The following PTGIS variants were observed in gnomAD, a reference collection of about 807,000 sequenced individuals.
PTGIS encodes the protein prostaglandin I2 synthase, also known as prostacyclin synthase.
A neutral mutation model predicts 50.3 loss-of-function variants in PTGIS; 45 were observed. The observed-to-expected ratio is 0.90, with a 90% CI of 0.70 to 1.15. The LOEUF (loss-of-function observed/expected upper bound fraction) is 1.15, where lower values mean the gene tolerates loss of function less well. Ranked by LOEUF, PTGIS falls within the 50% of genes most tolerant of loss-of-function variation. The pLI, the probability that PTGIS is intolerant of heterozygous loss-of-function variation, is 0.00. For synonymous variants in PTGIS, 260 were observed against 267.7 expected, an observed-to-expected ratio of 0.97 and a Z score of 0.28; for missense variants, 668 against 661.3, an observed-to-expected ratio of 1.01 and a Z score of -0.11.
At chr20:49,518,068 G>A (rs1047764958) in intron 6 of PTGIS, among the ~76,000 whole-genome samples, 1 of 152,238 alleles carries the variant, frequency 6.6e-6, no homozygotes, top group Non-Finnish European at 1.5e-5. Flanking sequence ...GCTACTGGAG[G>A]CCATTGTAGT....
chr20:49,529,358 T>C (rs1981875705), intron 5 of PTGIS, among the ~76,000 whole-genome samples: 1 of 152,192 alleles, frequency 6.6e-6, no homozygotes, highest in Non-Finnish European at 1.5e-5. Context: ...CATAATGCGG[T>C]ATTTGATTTT....
intron 6 of PTGIS, 82 bp from the exon 7 acceptor site, chr20:49,514,477 CAG>C: frequency 6.6e-7 from 1 of 1,507,252 alleles, no homozygotes; most frequent in Non-Finnish European, 9.0e-7. Context: ...CGGGCCAAGA[CAG>C]AGGGGCCAGT....
intron 5 of PTGIS, among the ~76,000 whole-genome samples, chr20:49,526,581 T>C (rs1981798713): frequency 6.6e-6 from 1 of 152,172 alleles, no homozygotes. Flanking sequence ...ATATATCTGA[T>C]AAGGGTCTAA....
Position 49,524,039 on chromosome 20 carries a change from C to A in PTGIS, c.855+19G>T. ...ACACATGCACACCTGCACACACCCACTTGCACATTCACACCCACCTGTGTG... is the reference window on the plus strand; with the variant it reads ...ACACATGCACACCTGCACACACCCAATTGCACATTCACACCCACCTGTGTG... On this transcript the variant is annotated intron_variant, in intron 6 of 9. Coordinates refer to ENST00000244043, the MANE Select transcript of PTGIS (RefSeq NM_000961.4). 6.2e-7 allele frequency: 1 copy of A among 1,614,184 alleles called. No individual in the cohort carries two copies. Among genetic ancestry groups the A allele is most frequent in the Non-Finnish European group, 8.5e-7 (1 of 1,180,018 alleles).
At chr20:49,567,035 T>A (rs552601512) in intron 1 of PTGIS, among the ~76,000 whole-genome samples, 16 of 152,148 alleles carry the variant, frequency 1.1e-4, no homozygotes, top group African/African-American at 3.1e-4. Flanking sequence ...AAAAGTATAT[T>A]TTTTTAAATA....
At chr20:49,543,487 C>A (rs544174380) in intron 4 of PTGIS, among the ~76,000 whole-genome samples, 5 of 152,200 alleles carry the variant, frequency 3.3e-5, no homozygotes, top group Non-Finnish European at 1.5e-5. Flanking sequence ...CCTGACCTCC[C>A]GACTGCCTGA....
intron 5 of PTGIS, among the ~76,000 whole-genome samples, chr20:49,538,256 GAAAAAAAA>G (rs58986753): frequency 8.2e-3 from 249 of 30,244 alleles, no homozygotes; most frequent in Non-Finnish European, 0.013. Context: ...CCCTGGTTCA[GAAAAAAAA>G]AAAAAAAAAA....
chr20:49,549,922 A>G (rs1364127640), intron 2 of PTGIS, 144 bp downstream of exon 2: 1 of 1,272,566 alleles, frequency 7.9e-7, no homozygotes, highest in Non-Finnish European at 1.1e-6. Context: ...AGCTGGATAG[A>G]AAGTTGGCTC....
intron 3 of PTGIS, 83 bp downstream of exon 3, chr20:49,547,758 G>T: frequency 6.8e-7 from 1 of 1,479,264 alleles, no homozygotes; most frequent in South Asian, 1.1e-5. Flanking sequence ...ATTTGCTTTG[G>T]AACCAAGAAT....
intron 6 of PTGIS, among the ~76,000 whole-genome samples, chr20:49,520,016 C>A (rs115175571): frequency 6.6e-6 from 1 of 151,736 alleles, no homozygotes; most frequent in Non-Finnish European, 1.5e-5. Context: ...CCCTCTAAAG[C>A]GAAAGACAGG....
chr20:49,550,121 T>C lies in PTGIS; in HGVS notation c.143A>G (p.Lys48Arg). 6.2e-7 allele frequency: 1 copy of C among 1,614,166 alleles called. No homozygotes were observed. The highest frequency in any genetic ancestry group is 2.2e-5 in the East Asian group (1 of 44,888). ...CCTCGTGAGGAAGCTGGCAGCATCT[T>C]TTCCAAAGTCCAAGGCATACCCCAA... Reference protein sequence around the residue: ...PWLGYALDFGKDAASFLTRMK... With the variant: ...PWLGYALDFGRDAASFLTRMK... The change falls in exon 2 of 10, where the codon AAA (lysine) becomes AGA (arginine). Residue 48 changes from lysine to arginine, a missense_variant. Physicochemically the swap from Lys to Arg is conservative, Grantham distance 26. Transcript: ENST00000244043.
chr20:49,555,396 T>C (rs538334680), intron 1 of PTGIS, among the ~76,000 whole-genome samples: 114 of 152,366 alleles, frequency 7.5e-4, no homozygotes, highest in African/African-American at 2.5e-3. Context: ...TGTTTTAAAC[T>C]TTCTATATTT....
chr20:49,514,256 T>C lies in PTGIS; in HGVS notation c.995A>G (p.Gln332Arg). ...QPVSQTTTLP[Q>R]KVLDSTPVLD... is the part of the protein sequence containing the mutation. ...CACAGGTGTGCTGTCTAGAACCTTC[T>C]GTGGGAGAGTGGTCGTCTGCGAGAC... Residue 332 changes from glutamine (Q) to arginine (R), a missense_variant, in exon 7 of 10, where the codon CAG (glutamine) becomes CGG (arginine). Transcript: ENST00000244043. 1.2e-6 allele frequency: 2 copies of C among 1,614,048 alleles called. No homozygotes were observed. Among genetic ancestry groups the C allele is most frequent in the Non-Finnish European group, 1.7e-6 (2 of 1,180,020 alleles).
At chr20:49,566,261 T>A (rs750038752) in intron 1 of PTGIS, among the ~76,000 whole-genome samples, 1 of 152,094 alleles carries the variant, frequency 6.6e-6, no homozygotes, top group Non-Finnish European at 1.5e-5. Context: ...AAAGAGCCCA[T>A]AACGTATTCA....
At chr20:49,561,218 T>G (rs1982765823) in intron 1 of PTGIS, among the ~76,000 whole-genome samples, 1 of 151,870 alleles carries the variant, frequency 6.6e-6, no homozygotes, top group East Asian at 1.9e-4. Context: ...CTGCCCCCAG[T>G]ATAACCCAAA....
At chr20:49,518,724 CTTGT>C (rs1167384093) in intron 6 of PTGIS, among the ~76,000 whole-genome samples, 1 of 151,678 alleles carries the variant, frequency 6.6e-6, no homozygotes, top group Non-Finnish European at 1.5e-5. Context: ...AGAAAAGTGA[CTTGT>C]TTGAGGTCAC....
chr20:49,545,693 G>A (rs975206641), intron 3 of PTGIS, among the ~76,000 whole-genome samples: 1 of 152,078 alleles, frequency 6.6e-6, no homozygotes. Context: ...CCTTGTGTAG[G>A]ATCTGGACCA....
chr20:49,533,157 G>T (rs576361543), intron 5 of PTGIS, among the ~76,000 whole-genome samples: 1 of 152,112 alleles, frequency 6.6e-6, no homozygotes, highest in Admixed American at 6.6e-5. Flanking sequence ...TACCTCTCAA[G>T]TTTTTTCTGG....
intron 1 of PTGIS, among the ~76,000 whole-genome samples, chr20:49,559,554 C>T (rs761972992): frequency 8.5e-5 from 13 of 152,282 alleles, no homozygotes; most frequent in African/African-American, 2.4e-4. Context: ...CTCAAGTGTT[C>T]GTTGAGTGAC....
Sources: gnomAD v4.1 joint callset for allele counts (sites outside exome capture counted in the v4.1 genomes callset) on GRCh38, gnomAD v4.1.1 for gene constraint, MANE v1.5 for transcripts, NCBI Gene and HGNC (gene_info 2026-07-23, HGNC 2026-07-21) for gene names.